The following SVOPL variants were observed in gnomAD, a reference collection of about 807,000 sequenced individuals.
The protein encoded by SVOPL is putative transporter SVOPL.
Under a neutral mutation model 61.0 loss-of-function variants are expected in SVOPL, and 60 were observed. The observed-to-expected ratio is 0.98, with a 90% CI of 0.80 to 1.22. The LOEUF (loss-of-function observed/expected upper bound fraction) is 1.22, where lower values mean the gene tolerates loss of function less well. SVOPL is among the 50% of genes most tolerant of loss of function. The pLI is 0.00. For synonymous variants in SVOPL, 279 were observed against 250.0 expected, an observed-to-expected ratio of 1.12 and a Z score of -1.09; for missense variants, 662 against 643.9, an observed-to-expected ratio of 1.03 and a Z score of -0.30.
intron 14 of SVOPL, among the ~76,000 whole-genome samples, chr7:138,598,051 T>C (rs1051512160): frequency 1.3e-5 from 2 of 152,234 alleles, no homozygotes; most frequent in Non-Finnish European, 2.9e-5. Context: ...CAATAAATTC[T>C]ACCTAAGTTT....
At chr7:138,637,559 A>G (rs1800559783) in intron 9 of SVOPL, among the ~76,000 whole-genome samples, 1 of 151,820 alleles carries the variant, frequency 6.6e-6, no homozygotes, top group African/African-American at 2.4e-5. Flanking sequence ...CACCCCCCAG[A>G]GCAACTGGTT....
chr7:138,692,082 G>T (rs1049173191), intron 1 of SVOPL, among the ~76,000 whole-genome samples: 1 of 151,940 alleles, frequency 6.6e-6, no homozygotes, highest in African/African-American at 2.4e-5. Context: ...AGGCCGAGGC[G>T]GGTGGATCAC....
intron 8 of SVOPL, among the ~76,000 whole-genome samples, chr7:138,645,047 G>A (rs1801027729): frequency 6.6e-6 from 1 of 152,142 alleles, no homozygotes; most frequent in Admixed American, 6.6e-5. Context: ...CCTTATCATA[G>A]TCCCTTCCAG....
In SVOPL at chr7:138,628,167, C is replaced by A. The variant is rs1471039414; in HGVS notation, c.1060G>T (p.Glu354Ter). ...GCAGAGGGACACTTACAAGCAATTT[C>A]ACCGATGGTGCTGATGATCATGGTC... ...YRTMIISTIG[E>*]IALNPLNILG... Residue 354 changes from glutamate (E) to a stop codon, truncating the protein, a stop_gained, in exon 11 of 16, where the codon GAA (glutamate) becomes TAA (stop). Transcript: ENST00000674285. LOFTEE classifies it high-confidence loss of function. 6.2e-7 allele frequency: 1 copy of A among 1,614,184 alleles called. No individual in the cohort carries two copies. The highest frequency in any genetic ancestry group is 2.2e-5 in the East Asian group (1 of 44,874).
chr7:138,673,353 G>A (rs1802477781), intron 3 of SVOPL, among the ~76,000 whole-genome samples: 1 of 152,146 alleles, frequency 6.6e-6, no homozygotes, highest in South Asian at 2.1e-4. Context: ...TCAGAAGTAA[G>A]AGAGCATAAT....
At chr7:138,623,130 G>A (rs751453515) in intron 13 of SVOPL, among the ~76,000 whole-genome samples, 1 of 152,074 alleles carries the variant, frequency 6.6e-6, no homozygotes, top group Non-Finnish European at 1.5e-5. Flanking sequence ...TCTTTATGGG[G>A]AACTTTATTA....
At chr7:138,633,073 C>T (rs1417520520) in intron 9 of SVOPL, among the ~76,000 whole-genome samples, 3 of 152,018 alleles carry the variant, frequency 2.0e-5, no homozygotes, top group South Asian at 2.1e-4. Context: ...CTGCTTTGCT[C>T]GATAAGATGT....
chr7:138,658,495 G>C (rs535953346), intron 6 of SVOPL, among the ~76,000 whole-genome samples: 46 of 152,220 alleles, frequency 3.0e-4, no homozygotes, highest in African/African-American at 1.1e-3. Context: ...TGTCCAGGCT[G>C]GTCTTGAACT....
chr7:138,679,612 G>T (rs1802657180), intron 1 of SVOPL, among the ~76,000 whole-genome samples: 1 of 152,098 alleles, frequency 6.6e-6, no homozygotes, highest in African/African-American at 2.4e-5. Context: ...TGAGGAATTT[G>T]CCCTTTGCAC....
intron 5 of SVOPL, chr7:138,661,440 G>T: frequency 3.0e-6 from 3 of 983,752 alleles, no homozygotes; most frequent in South Asian, 9.4e-5. Flanking sequence ...GAGGTATGCA[G>T]AATTTATCAG....
chr7:138,672,008 C>A lies in SVOPL; in HGVS notation c.273+11G>T, dbSNP rs750062931. 1 of 1,551,170 alleles carries A rather than the reference C, an allele frequency of 6.4e-7. No individual in the cohort carries two copies. Among genetic ancestry groups the A allele is most frequent in the South Asian group, 1.2e-5 (1 of 84,024 alleles). Reference sequence around the variant, plus strand: ...GTTGCTGTGTTCACGGCACAGGGAGCAGGTACTTACCGTGGTTACTAATGC... The same window carrying A: ...GTTGCTGTGTTCACGGCACAGGGAGAAGGTACTTACCGTGGTTACTAATGC... On this transcript the variant is annotated intron_variant, in intron 4 of 15. Transcript: ENST00000674285.
intron 4 of SVOPL, among the ~76,000 whole-genome samples, chr7:138,671,523 T>G (rs929913104): frequency 6.6e-6 from 1 of 151,800 alleles, no homozygotes; most frequent in African/African-American, 2.4e-5. Flanking sequence ...AATTTTTGTA[T>G]TTTTAGTAGA....
intron 7 of SVOPL, 77 bp downstream of exon 7, chr7:138,656,371 T>C: frequency 7.0e-7 from 1 of 1,429,848 alleles, no homozygotes; most frequent in Non-Finnish European, 9.8e-7. Flanking sequence ...AAACCAGCAG[T>C]ATTTCCAAGG....
chr7:138,622,294 C>CTATCTATG lies in SVOPL; in HGVS notation c.1264-1160_1264-1159insCATAGATA, dbSNP rs1554457371. Among the ~76,000 whole-genome samples, 336 of 102,938 alleles carry CTATCTATG rather than the reference C, an allele frequency of 3.3e-3. 11 individuals carry two copies. Among genetic ancestry groups the CTATCTATG allele is most frequent in the African/African-American group, 5.7e-3 (154 of 27,150 alleles). 67.5% of individuals were successfully genotyped at this position (102,938 alleles called of 152,430 possible). Reference sequence around the variant, plus strand: ...TGTATCTATCTATCTATCTATCTATCTATCTATCTATCTATCTATCGACAG... The same window carrying CTATCTATG: ...TGTATCTATCTATCTATCTATCTATCTATCTATGTATCTATCTATCTATCTATCGACAG... On this transcript the variant is annotated intron_variant, in intron 13 of 15. Coordinates refer to ENST00000674285, the MANE Select transcript of SVOPL (RefSeq NM_001139456.2).
At chr7:138,608,486 C>T (rs58318808) in intron 14 of SVOPL, among the ~76,000 whole-genome samples, 1,749 of 152,230 alleles carry the variant, frequency 0.011, 26 homozygotes, top group African/African-American at 0.039. Context: ...TTGAGACAGC[C>T]GGCTTGCCAC....
Position 138,628,464 on chromosome 7 carries a change from AAG to A in SVOPL, c.864-103_864-102del, listed in dbSNP as rs201272423. Reference sequence around the variant, plus strand: ...TGGAACGTGTAGCATGTGGAAAGCAAAGAGAGCAGAAAGCCAGGCTCAGACGC... The same window carrying A: ...TGGAACGTGTAGCATGTGGAAAGCAAAGAGCAGAAAGCCAGGCTCAGACGC... On this transcript the variant is annotated intron_variant, in intron 10 of 15. Transcript: ENST00000674285. 1,260 of 1,227,756 alleles carry A rather than the reference AAG, an allele frequency of 1.0e-3. 7 individuals are homozygous for A. In the African/African-American group the frequency reaches 0.017, roughly 17 times the overall value. The allele number at this position is 1,227,756 out of a possible 1,614,324, so 76.1% of individuals were successfully genotyped here.
chr7:138,649,125 C>G lies in SVOPL; in HGVS notation c.547G>C (p.Ala183Pro). Residue 183 changes from alanine (A) to proline (P), a missense_variant, in exon 8 of 16, where the codon GCG becomes CCG. Physicochemically the swap from Ala to Pro is conservative, Grantham distance 27. Transcript: ENST00000674285. ...MLPLSQVFWL[A>P]GSLLIIGLAS... Reference sequence around the variant, plus strand: ...AAGCCAATGATGAGCAGGGAGCCCGCAAGCCAGAACACCTAGGAAGAGAGA... The same window carrying G: ...AAGCCAATGATGAGCAGGGAGCCCGGAAGCCAGAACACCTAGGAAGAGAGA... The G allele has an allele frequency of 4.3e-6, 7 of 1,612,550 alleles. No individual in the cohort carries two copies. The highest frequency in any genetic ancestry group is 5.9e-6 in the Non-Finnish European group (7 of 1,179,508).
intron 14 of SVOPL, among the ~76,000 whole-genome samples, chr7:138,614,175 A>C (rs1444220817): frequency 6.6e-6 from 1 of 152,208 alleles, no homozygotes; most frequent in Non-Finnish European, 1.5e-5. Context: ...TAAAACTTGT[A>C]GAGAATTACT....
chr7:138,658,285 T>C (rs1038087422), intron 6 of SVOPL, among the ~76,000 whole-genome samples: 4 of 151,510 alleles, frequency 2.6e-5, no homozygotes, highest in Non-Finnish European at 4.4e-5. Flanking sequence ...TCTGACATAT[T>C]CCCCCCCCTC....
Sources: allele counts gnomAD v4.1 joint callset (sites outside exome capture counted in the v4.1 genomes callset), GRCh38; gene constraint gnomAD v4.1.1; transcripts MANE v1.5; gene names NCBI Gene and HGNC (gene_info 2026-07-23, HGNC 2026-07-21).